EGFL6: variants seen among roughly 807,000 people sequenced by gnomAD.
The protein encoded by EGFL6 is epidermal growth factor-like protein 6.
A neutral mutation model predicts 43.1 loss-of-function variants in EGFL6; 42 were observed. The observed-to-expected ratio is 0.98, with a 90% CI of 0.76 to 1.26. The LOEUF is 1.26. Among genes scored for constraint, EGFL6 ranks in the 50% most tolerant of loss-of-function variants. The probability of loss-of-function intolerance (pLI) is 0.00; values close to 1 mark genes in which losing one functional copy is unlikely to be tolerated. For missense variants in EGFL6, 429 were observed against 427.8 expected, an observed-to-expected ratio of 1.00 and a Z score of -0.02; for synonymous variants, 164 against 163.2, an observed-to-expected ratio of 1.01 and a Z score of -0.04.
At chrX:13,630,068 G>T (rs2045802529) in intron 11 of EGFL6, among the ~76,000 whole-genome samples, 1 of 111,612 alleles carries the variant, frequency 9.0e-6, no homozygotes, top group Admixed American at 9.5e-5. Context: ...CCAGGGCTCT[G>T]CCAGGGAGAT....
intron 3 of EGFL6, chrX:13,596,241 T>C (rs1417146849): frequency 1.8e-5 from 2 of 111,872 alleles, no homozygotes; most frequent in Admixed American, 1.9e-4. Context: ...ATAGGGGATG[T>C]GAGGGTGATC....
chrX:13,619,235 A>G lies in EGFL6; in HGVS notation c.1175A>G (p.Glu392Gly). The G allele has an allele frequency of 4.1e-6, 5 of 1,207,232 alleles. No individual in the cohort carries two copies. The South Asian group carries it at 8.8e-5, about 21-fold the overall frequency. Reference protein sequence around the residue: ...VQRKALTSKLEHKDLNISVDC... With the variant: ...VQRKALTSKLGHKDLNISVDC... ...AGGAAAGCGCTAACTTCCAAACTGG[A>G]ACATAAAGGTAAATAATTCTTTCTC... Residue 392 changes from glutamate to glycine, a missense_variant, in exon 9 of 12, where the codon GAA becomes GGA. Transcript: ENST00000361306.
chrX:13,572,873 G>A (rs1265415496), intron 1 of EGFL6, among the ~76,000 whole-genome samples: 1 of 112,079 alleles, frequency 8.9e-6, no homozygotes, highest in South Asian at 3.7e-4. Flanking sequence ...AAGACCGGAA[G>A]TCCATAATGA....
At chrX:13,606,836 C>T (rs1328282003) in intron 6 of EGFL6, among the ~76,000 whole-genome samples, 1 of 112,068 alleles carries the variant, frequency 8.9e-6, no homozygotes, top group Non-Finnish European at 1.9e-5. Flanking sequence ...TCTCCAGTTA[C>T]ACATCTAAAA....
At chrX:13,602,601 G>A (rs779855743) in intron 4 of EGFL6, among the ~76,000 whole-genome samples, 4 of 111,712 alleles carry the variant, frequency 3.6e-5, no homozygotes, top group Admixed American at 2.8e-4. Context: ...AAGTGGGTAC[G>A]GGTGATGCCA....
intron 7 of EGFL6, among the ~76,000 whole-genome samples, chrX:13,612,081 G>T (rs1415085203): frequency 9.1e-6 from 1 of 109,431 alleles, no homozygotes; most frequent in Non-Finnish European, 1.9e-5. Context: ...ATCATTCTTG[G>T]GTGTTTCTCG....
chrX:13,630,291 G>A (rs12396867), intron 11 of EGFL6, among the ~76,000 whole-genome samples: 13,478 of 111,296 alleles, frequency 0.12, 898 homozygotes, highest in African/African-American at 0.26. Context: ...CTAATTTTGG[G>A]GGGGATAGAG....
intron 4 of EGFL6, among the ~76,000 whole-genome samples, chrX:13,601,821 C>T (rs753316582): frequency 8.9e-4 from 99 of 111,576 alleles, no homozygotes; most frequent in Non-Finnish European, 1.5e-3. Flanking sequence ...GCCAGAACCT[C>T]CTCCTCCCAC....
At chrX:13,587,048 T>C (rs1351926398) in intron 1 of EGFL6, among the ~76,000 whole-genome samples, 2 of 111,645 alleles carry the variant, frequency 1.8e-5, no homozygotes, top group African/African-American at 6.5e-5. Flanking sequence ...AAAAGCAGAT[T>C]TGTGGTTGCC....
At chrX:13,587,180 T>TA (rs1202131733) in intron 1 of EGFL6, among the ~76,000 whole-genome samples, 3 of 112,229 alleles carry the variant, frequency 2.7e-5, no homozygotes. Flanking sequence ...GTGAAAATAC[T>TA]AAAAACCACT....
At chrX:13,584,771 C>T (rs747304415) in intron 1 of EGFL6, among the ~76,000 whole-genome samples, 2 of 112,135 alleles carry the variant, frequency 1.8e-5, no homozygotes, top group South Asian at 3.7e-4. Flanking sequence ...TGATGAACTT[C>T]TGGAAACTAG....
intron 10 of EGFL6, among the ~76,000 whole-genome samples, chrX:13,626,258 C>A (rs2045780026): frequency 9.0e-6 from 1 of 111,590 alleles, no homozygotes; most frequent in Non-Finnish European, 1.9e-5. Context: ...GCAAGTATCT[C>A]CGACTTGCAG....
chrX:13,594,729 A>G (rs2045586868), intron 2 of EGFL6, 107 bp from the exon 3 acceptor site: 1 of 593,168 alleles, frequency 1.7e-6, no homozygotes, highest in Admixed American at 2.6e-5. Flanking sequence ...TGTCCTCTGT[A>G]TGTCCCCATG....
At chrX:13,580,522 G>A (rs920659786) in intron 1 of EGFL6, among the ~76,000 whole-genome samples, 1 of 111,405 alleles carries the variant, frequency 9.0e-6, no homozygotes, top group Non-Finnish European at 1.9e-5. Context: ...ATTGCTGACA[G>A]GTGGGGTTCT....
intron 1 of EGFL6, among the ~76,000 whole-genome samples, chrX:13,572,529 C>T (rs1474751898): frequency 8.9e-6 from 1 of 112,224 alleles, no homozygotes; most frequent in Non-Finnish European, 1.9e-5. Context: ...AACTCCATCT[C>T]GAGTGTTCTA....
At chrX:13,580,775 C>G (rs1020470609) in intron 1 of EGFL6, among the ~76,000 whole-genome samples, 7 of 112,100 alleles carry the variant, frequency 6.2e-5, no homozygotes, top group Non-Finnish European at 9.4e-5. Context: ...TAAAACTTTT[C>G]AGTGACTTTC....
At position 13,603,262 on chromosome X, in the gene EGFL6, T is replaced by C. The variant is rs2045643137; in HGVS notation, c.401-55T>C. 3 of 1,125,393 alleles carry C rather than the reference T, an allele frequency of 2.7e-6. No homozygotes were observed. In the Admixed American group the frequency reaches 8.8e-5, roughly 33 times the overall value. The allele number at this position is 1,125,393 out of a possible 1,213,427, so 92.7% of individuals were successfully genotyped here. A position where few individuals can be genotyped will look rare whatever the true frequency, so the allele number is the denominator to read the frequency against. On this transcript the variant is annotated intron_variant, in intron 4 of 11. Transcript: ENST00000361306. ...TCAGAATTTGGTGATAGTTTCTTAG[T>C]AAGCTCTTTTTATCATCTCAAGAGA...
intron 3 of EGFL6, among the ~76,000 whole-genome samples, chrX:13,597,385 C>T (rs974638024): frequency 3.6e-5 from 4 of 111,985 alleles, no homozygotes; most frequent in Admixed American, 1.9e-4. Context: ...CCTACAGTCT[C>T]GGAGAGCAAT....
chrX:13,593,148 C>T (rs2045575398), intron 2 of EGFL6, among the ~76,000 whole-genome samples: 1 of 110,385 alleles, frequency 9.1e-6, no homozygotes, highest in Non-Finnish European at 1.9e-5. Context: ...CTCCTGACCT[C>T]AGGTGATCCA....
Sources: allele counts gnomAD v4.1 joint callset (sites outside exome capture counted in the v4.1 genomes callset), GRCh38; gene constraint gnomAD v4.1.1; transcripts MANE v1.5; gene names NCBI Gene and HGNC (gene_info 2026-07-23, HGNC 2026-07-21).